Variants in ASIC2 observed in about 807,000 individuals in gnomAD.
ASIC2 encodes the protein acid-sensing ion channel 2.
In ASIC2, 25 loss-of-function variants were observed where a neutral mutation model predicts 57.3. The observed-to-expected ratio is 0.44, with a 90% CI of 0.32 to 0.61. The LOEUF is 0.61. Ranked by LOEUF, ASIC2 falls within the 20% of genes least tolerant of loss-of-function variation. The pLI, the probability that ASIC2 is intolerant of heterozygous loss-of-function variation, is 0.06. For missense variants in ASIC2, 641 were observed against 738.1 expected (o/e 0.87, Z 1.52); for synonymous variants, 319 against 307.5 (o/e 1.04, Z -0.39).
intron 1 of ASIC2, among the ~76,000 whole-genome samples, chr17:34,149,129 C>G (rs1157028829): frequency 8.0e-6 from 1 of 124,422 alleles, no homozygotes; most frequent in Admixed American, 8.3e-5. Flanking sequence ...TTTTTTGAGA[C>G]AGTGTCTCGC....
At chr17:33,459,879 G>A (rs187769910) in intron 1 of ASIC2, among the ~76,000 whole-genome samples, 5 of 152,232 alleles carry the variant, frequency 3.3e-5, no homozygotes, top group South Asian at 4.1e-4. Context: ...TGAATGGAGC[G>A]CCTCTTCTTT....
chr17:33,528,968 G>T (rs1229195631), intron 1 of ASIC2, among the ~76,000 whole-genome samples: 5 of 152,196 alleles, frequency 3.3e-5, no homozygotes, highest in Admixed American at 3.3e-4. Flanking sequence ...ACAGAGGCAG[G>T]CTCCGATTCA....
At chr17:33,504,420 C>A (rs567739031) in intron 1 of ASIC2, among the ~76,000 whole-genome samples, 2 of 152,312 alleles carry the variant, frequency 1.3e-5, no homozygotes, top group African/African-American at 4.8e-5. Context: ...TTCACTGCAA[C>A]CTCCACCTCC....
intron 1 of ASIC2, among the ~76,000 whole-genome samples, chr17:33,775,961 C>A (rs983372667): frequency 6.6e-6 from 1 of 151,928 alleles, no homozygotes; most frequent in Non-Finnish European, 1.5e-5. Context: ...GACGAAACAC[C>A]GTATCTACTA....
chr17:33,440,103 C>T (rs188044165), intron 1 of ASIC2, among the ~76,000 whole-genome samples: 1 of 152,322 alleles, frequency 6.6e-6, no homozygotes, highest in Admixed American at 6.5e-5. Flanking sequence ...AGCCTTAGAA[C>T]ATTTCCGTCC....
At chr17:33,380,586 G>A (rs1909452035) in intron 1 of ASIC2, among the ~76,000 whole-genome samples, 1 of 152,126 alleles carries the variant, frequency 6.6e-6, no homozygotes, top group Non-Finnish European at 1.5e-5. Context: ...TTCTCCTCAG[G>A]GTCTAGGCCA....
chr17:33,915,163 G>A (rs1202101886), intron 1 of ASIC2, among the ~76,000 whole-genome samples: 1 of 152,176 alleles, frequency 6.6e-6, no homozygotes, highest in Non-Finnish European at 1.5e-5. Context: ...TGGATTATTG[G>A]TGACAAGACC....
intron 1 of ASIC2, among the ~76,000 whole-genome samples, chr17:33,578,897 A>C (rs866455144): frequency 6.6e-6 from 1 of 152,232 alleles, no homozygotes; most frequent in Non-Finnish European, 1.5e-5. Context: ...ACCCTGCCAC[A>C]GCAGGCAAGA....
chr17:33,578,778 C>T (rs1037170761), intron 1 of ASIC2, among the ~76,000 whole-genome samples: 1 of 129,550 alleles, frequency 7.7e-6, no homozygotes, highest in African/African-American at 3.3e-5. Context: ...GTGCTGATTT[C>T]GCATAATCCT....
intron 1 of ASIC2, among the ~76,000 whole-genome samples, chr17:33,165,517 G>T (rs910867112): frequency 6.6e-6 from 1 of 152,000 alleles, no homozygotes; most frequent in Admixed American, 6.6e-5. Flanking sequence ...GAATATACAG[G>T]CTGTAGTTGT....
chr17:33,210,354 A>C (rs1907223128), intron 1 of ASIC2, among the ~76,000 whole-genome samples: 1 of 152,210 alleles, frequency 6.6e-6, no homozygotes, highest in South Asian at 2.1e-4. Flanking sequence ...AAATATCTTA[A>C]TATCTCCAGA....
At chr17:33,532,104 C>T (rs1340463102) in intron 1 of ASIC2, among the ~76,000 whole-genome samples, 1 of 152,152 alleles carries the variant, frequency 6.6e-6, no homozygotes, top group African/African-American at 2.4e-5. Flanking sequence ...GTGAGAGGAG[C>T]CAGAACCAAC....
intron 1 of ASIC2, chr17:34,069,355 TTTTTC>T (rs1476041623): frequency 1.1e-4 from 3 of 28,218 alleles, no homozygotes; most frequent in African/African-American, 1.7e-4. Flanking sequence ...TTTTTCTTTC[TTTTTC>T]TTTCTTTCTT....
At chr17:33,757,755 A>G (rs1910655169) in intron 1 of ASIC2, among the ~76,000 whole-genome samples, 1 of 152,160 alleles carries the variant, frequency 6.6e-6, no homozygotes, top group South Asian at 2.1e-4. Flanking sequence ...GCAACCTTAA[A>G]CATCTGTTCT....
chr17:33,857,138 C>T (rs372701677), intron 1 of ASIC2, among the ~76,000 whole-genome samples: 17 of 152,264 alleles, frequency 1.1e-4, no homozygotes, highest in East Asian at 1.9e-4. Flanking sequence ...CCTAACCCCA[C>T]GCTCACTCCA....
chr17:33,822,984 C>A (rs1000285306), intron 1 of ASIC2, among the ~76,000 whole-genome samples: 7 of 152,130 alleles, frequency 4.6e-5, no homozygotes, highest in Non-Finnish European at 5.9e-5. Flanking sequence ...TTAATGATCA[C>A]CTCAGTTGAG....
intron 1 of ASIC2, among the ~76,000 whole-genome samples, chr17:33,720,257 A>G (rs1420754594): frequency 6.6e-6 from 1 of 152,210 alleles, no homozygotes; most frequent in Non-Finnish European, 1.5e-5. Context: ...TAAAGAAAGT[A>G]AGTGGGATCT....
intron 1 of ASIC2, among the ~76,000 whole-genome samples, chr17:34,127,020 G>T (rs771549230): frequency 6.6e-6 from 1 of 152,170 alleles, no homozygotes; most frequent in Admixed American, 6.5e-5. Context: ...AAGAAATTAA[G>T]GTGGGAGGGC....
chr17:33,827,474 G>A (rs954914182), intron 1 of ASIC2, among the ~76,000 whole-genome samples: 2 of 150,150 alleles, frequency 1.3e-5, no homozygotes, highest in Non-Finnish European at 3.0e-5. Context: ...TGGGACTACA[G>A]GCGCCCGCCA....
Sources: gnomAD v4.1 joint callset for allele counts (sites outside exome capture counted in the v4.1 genomes callset) on GRCh38, gnomAD v4.1.1 for gene constraint, MANE v1.5 for transcripts, NCBI Gene and HGNC (gene_info 2026-07-23, HGNC 2026-07-21) for gene names.